The following PKHD1 variants were observed in gnomAD, a reference collection of about 807,000 sequenced individuals.
PKHD1 encodes the protein PKHD1 ciliary IPT domain containing fibrocystin/polyductin.
In PKHD1, 291 loss-of-function variants were observed where a neutral mutation model predicts 412.0. That is an observed-to-expected ratio of 0.71 (90% CI 0.64 to 0.78). The LOEUF (loss-of-function observed/expected upper bound fraction) is 0.78. Among genes scored for constraint, PKHD1 ranks in the 30% least tolerant of loss-of-function variants. The pLI is 0.00. For missense variants in PKHD1, 4,825 were observed against 4,950.7 expected (o/e 0.97, Z 0.76); for synonymous variants, 1,777 against 1,821.5 (o/e 0.98, Z 0.62).
intron 66 of PKHD1, among the ~76,000 whole-genome samples, chr6:51,623,405 A>T (rs536769764): frequency 2.0e-5 from 3 of 151,944 alleles, no homozygotes; most frequent in South Asian, 2.1e-4. Context: ...TTTTTTTCTA[A>T]ATATATACCA....
intron 54 of PKHD1, among the ~76,000 whole-genome samples, chr6:51,774,752 C>A (rs1051938551): frequency 1.3e-4 from 20 of 151,746 alleles, no homozygotes; most frequent in Non-Finnish European, 7.4e-5. Flanking sequence ...AAATTTATAT[C>A]TCATAGTGTT....
Position 51,839,002 on chromosome 6 carries a change from G to A in PKHD1, c.8108-2533C>T, listed in dbSNP as rs144025430. ...TTATGGCATGTTCATGATTCCAGGTGCCAGTCAACAAGGTTCAAGAAACAT... is the reference window on the plus strand; with the variant it reads ...TTATGGCATGTTCATGATTCCAGGTACCAGTCAACAAGGTTCAAGAAACAT... On this transcript the variant is annotated intron_variant, in intron 50 of 66. Transcript: ENST00000371117. Among the ~76,000 whole-genome samples the A allele has an allele frequency of 2.1e-3, 313 of 152,290 alleles. 1 individual carries two copies. The highest frequency in any genetic ancestry group is 7.2e-3 in the African/African-American group (301 of 41,566).
chr6:51,935,008 C>A (rs1787243351), intron 36 of PKHD1, among the ~76,000 whole-genome samples: 1 of 152,164 alleles, frequency 6.6e-6, no homozygotes. Flanking sequence ...GGGAAGAACA[C>A]CTGCTTCTGA....
chr6:52,024,995 T>G lies in PKHD1; in HGVS notation c.4815A>C (p.Ser1605=). 1 of 1,614,248 alleles carries G rather than the reference T, an allele frequency of 6.2e-7. No individual in the cohort carries two copies. The highest frequency in any genetic ancestry group is 8.5e-7 in the Non-Finnish European group (1 of 1,180,048). The change falls in exon 32 of 67, where the codon TCA becomes TCC. Residue 1605 remains serine, a synonymous_variant. Transcript: ENST00000371117. ...GTGLRGQNTT[S]VYIDQQTCLT... is the part of the protein sequence containing the mutation. The stretch of plus-strand genomic sequence containing the variant: ...GGCAGGTCTGCTGGTCAATATAGAC[T>G]GACGTGGTGTTCTGTCCTCTCAGGC...
chr6:51,912,103 C>A, intron 38 of PKHD1, 147 bp from the exon 39 acceptor site: 1 of 722,180 alleles, frequency 1.4e-6, no homozygotes, highest in Non-Finnish European at 2.3e-6. Flanking sequence ...ACTATAGACA[C>A]AAGTACATGA....
intron 48 of PKHD1, among the ~76,000 whole-genome samples, chr6:51,858,181 G>A (rs1301576495): frequency 6.6e-6 from 1 of 152,150 alleles, no homozygotes; most frequent in African/African-American, 2.4e-5. Context: ...GTTATGGGGT[G>A]TTTACATCTT....
In PKHD1 at chr6:52,065,161, A is replaced by ATG. The variant is rs1234374717; in HGVS notation, c.881-112_881-111insCA. 7.6e-3 allele frequency: 901 copies of ATG among 118,886 alleles called. 9 individuals carry two copies. Among genetic ancestry groups the ATG allele is most frequent in the Non-Finnish European group, 0.012 (761 of 63,136 alleles). 7.4% of individuals were successfully genotyped at this position (118,886 alleles called of 1,614,324 possible). On this transcript the variant is annotated intron_variant, in intron 12 of 66. Coordinates refer to ENST00000371117, the MANE Select transcript of PKHD1 (RefSeq NM_138694.4). ...TATATATATATATATATATATATAT[A>ATG]TATATATAGAGAGAGAGAGAGAGAG...
At position 51,654,905 on chromosome 6, in the gene PKHD1, CT is replaced by C. The variant is rs537324044; in HGVS notation, c.11174+4046del. 3.2e-4 allele frequency among the ~76,000 whole-genome samples: 48 copies of C among 152,100 alleles called. No homozygotes were observed. In the South Asian group the frequency reaches 3.3e-3, roughly 11 times the overall value. ...AGCCTGGGTATTATGCAATCTTTGT[CT>C]TTTTTTAACGATTAAGAGTTGAAGA... On this transcript the variant is annotated intron_variant, in intron 61 of 66. Transcript: ENST00000371117.
intron 28 of PKHD1, 27 bp downstream of exon 28, chr6:52,035,564 A>G (rs1450155829): frequency 6.2e-7 from 1 of 1,608,786 alleles, no homozygotes; most frequent in Admixed American, 1.7e-5. Flanking sequence ...ACCCAGAGAG[A>G]AAGAGATATG....
intron 35 of PKHD1, among the ~76,000 whole-genome samples, chr6:51,996,003 C>G (rs938726192): frequency 2.0e-5 from 3 of 150,732 alleles, no homozygotes; most frequent in African/African-American, 7.3e-5. Context: ...GATTAAAGAA[C>G]GGCAATTTTT....
At chr6:52,069,579 ATTTTT>A (rs768411865) in intron 10 of PKHD1, 52 bp from the exon 11 acceptor site, 18 of 1,415,312 alleles carry the variant, frequency 1.3e-5, no homozygotes, top group Non-Finnish European at 1.6e-5. Flanking sequence ...CTGGGATTGC[ATTTTT>A]TTTAGTCGGC....
At chr6:51,714,110 G>A (rs764583271) in intron 60 of PKHD1, among the ~76,000 whole-genome samples, 23 of 152,114 alleles carry the variant, frequency 1.5e-4, no homozygotes, top group African/African-American at 4.1e-4. Flanking sequence ...AGTGGCTCAG[G>A]CCTGTAATCC....
intron 60 of PKHD1, chr6:51,741,055 C>T (rs1014622280): frequency 1.9e-5 from 10 of 517,180 alleles, no homozygotes; most frequent in African/African-American, 1.9e-4. Context: ...TATGATATTA[C>T]TCATGGAGTT....
intron 46 of PKHD1, among the ~76,000 whole-genome samples, chr6:51,881,055 C>G (rs1029099675): frequency 2.1e-5 from 3 of 146,126 alleles, no homozygotes; most frequent in Non-Finnish European, 4.5e-5. Context: ...CCACAGAGGT[C>G]AGGAACCCTC....
At chr6:52,022,034 A>G (rs1224400802) in intron 33 of PKHD1, among the ~76,000 whole-genome samples, 2 of 152,202 alleles carry the variant, frequency 1.3e-5, no homozygotes, top group African/African-American at 4.8e-5. Context: ...GCTAAATGTG[A>G]GCTATCTCAA....
chr6:52,082,608 G>A (rs1812207129), intron 3 of PKHD1, 66 bp from the exon 4 acceptor site: 3 of 1,511,604 alleles, frequency 2.0e-6, no homozygotes, highest in Non-Finnish European at 2.8e-6. Flanking sequence ...GTGTGAAACT[G>A]TGCTAAGATC....
At chr6:51,976,339 C>T (rs1794435617) in intron 35 of PKHD1, among the ~76,000 whole-genome samples, 1 of 152,204 alleles carries the variant, frequency 6.6e-6, no homozygotes, top group Non-Finnish European at 1.5e-5. Flanking sequence ...ACAAATGACA[C>T]AGCATGGATA....
chr6:51,825,672 T>C (rs1767180910), intron 52 of PKHD1, among the ~76,000 whole-genome samples: 1 of 152,076 alleles, frequency 6.6e-6, no homozygotes, highest in Non-Finnish European at 1.5e-5. Flanking sequence ...CGGCCTCGCC[T>C]TTCCCCATAA....
intron 52 of PKHD1, among the ~76,000 whole-genome samples, chr6:51,815,244 T>C (rs953799213): frequency 2.0e-5 from 3 of 152,286 alleles, no homozygotes; most frequent in Admixed American, 1.3e-4. Flanking sequence ...ATTAGAGATA[T>C]AAAAAGTCAA....
Sources: gnomAD v4.1 joint callset for allele counts (sites outside exome capture counted in the v4.1 genomes callset) on GRCh38, gnomAD v4.1.1 for gene constraint, MANE v1.5 for transcripts, NCBI Gene and HGNC (gene_info 2026-07-23, HGNC 2026-07-21) for gene names.